GAB2: variants seen among roughly 807,000 people sequenced by gnomAD.
The protein encoded by GAB2 is GRB2-associated-binding protein 2.
A neutral mutation model predicts 65.5 loss-of-function variants in GAB2; 26 were observed. The observed-to-expected ratio is 0.40, with a 90% CI of 0.29 to 0.55. The LOEUF (loss-of-function observed/expected upper bound fraction) is 0.55. Ranked by LOEUF, GAB2 falls within the 20% of genes least tolerant of loss-of-function variation. GAB2 has a pLI of 0.53. For synonymous variants in GAB2, 321 were observed against 329.6 expected (o/e 0.97, Z 0.28); for missense variants, 884 against 875.8 (o/e 1.01, Z -0.12).
At chr11:78,371,077 C>T (rs1005097669) in intron 1 of GAB2, among the ~76,000 whole-genome samples, 6 of 152,170 alleles carry the variant, frequency 3.9e-5, no homozygotes, top group South Asian at 2.1e-4. Context: ...TGTTAGAAAA[C>T]GTGGCAAAAG....
At chr11:78,258,007 T>C (rs555818860) in intron 2 of GAB2, among the ~76,000 whole-genome samples, 4 of 152,096 alleles carry the variant, frequency 2.6e-5, no homozygotes, top group Non-Finnish European at 4.4e-5. Flanking sequence ...GGAAGGAAAG[T>C]TAAAATATGA....
rs550646641 is a variant in GAB2 at position 78,222,422 on chromosome 11, T to TAATTATATTTTCAG, written c.1568-241_1568-228dup. Among the ~76,000 whole-genome samples, 393 of 152,002 alleles carry TAATTATATTTTCAG rather than the reference T, an allele frequency of 2.6e-3. 2 individuals carry two copies. Among genetic ancestry groups the TAATTATATTTTCAG allele is most frequent in the Non-Finnish European group, 1.8e-3 (121 of 67,964 alleles). On this transcript the variant is annotated intron_variant, in intron 6 of 9. Coordinates refer to ENST00000361507, the MANE Select transcript of GAB2 (RefSeq NM_080491.3). Reference sequence around the variant, plus strand: ...TATATTCTTTCTGCTGTATCTATGGTAATTATATTTTCAGAATCAAAAGTG... The same window carrying TAATTATATTTTCAG: ...TATATTCTTTCTGCTGTATCTATGGTAATTATATTTTCAGAATTATATTTTCAGAATCAAAAGTG...
chr11:78,359,557 A>G (rs986064280), intron 1 of GAB2, among the ~76,000 whole-genome samples: 1 of 152,256 alleles, frequency 6.6e-6, no homozygotes, highest in Non-Finnish European at 1.5e-5. Flanking sequence ...ACTAAAGGCA[A>G]TTCTAAAGGA....
intron 2 of GAB2, among the ~76,000 whole-genome samples, chr11:78,267,199 G>A (rs1346068424): frequency 6.6e-6 from 1 of 152,172 alleles, no homozygotes; most frequent in Non-Finnish European, 1.5e-5. Context: ...CAAGATCCCA[G>A]GGCTAACCAT....
In GAB2 at chr11:78,405,396, G is replaced by C. The variant is rs368150412; in HGVS notation, c.75+12250C>G. ...TTATAGGCGTGAGCCACCACGCCTGGCCAAGCACATGGATTTTAATGAGAA... is the reference window on the plus strand; with the variant it reads ...TTATAGGCGTGAGCCACCACGCCTGCCCAAGCACATGGATTTTAATGAGAA... On this transcript the variant is annotated intron_variant, in intron 1 of 9. Coordinates refer to ENST00000361507, the MANE Select transcript of GAB2 (RefSeq NM_080491.3). Among the ~76,000 whole-genome samples the C allele has an allele frequency of 1.3e-3, 202 of 152,252 alleles. 1 individual carries two copies. The highest frequency in any genetic ancestry group is 4.7e-3 in the African/African-American group (197 of 41,552).
intron 1 of GAB2, among the ~76,000 whole-genome samples, chr11:78,417,214 G>C (rs1289779686): frequency 6.6e-6 from 1 of 152,014 alleles, no homozygotes; most frequent in Non-Finnish European, 1.5e-5. Flanking sequence ...GCCCTTTGTG[G>C]GGCCGTCCGC....
intron 1 of GAB2, among the ~76,000 whole-genome samples, chr11:78,408,606 C>T (rs992211690): frequency 6.6e-6 from 1 of 152,128 alleles, no homozygotes; most frequent in Admixed American, 6.5e-5. Flanking sequence ...TAAAAACATG[C>T]CCCATGATAT....
intron 3 of GAB2, among the ~76,000 whole-genome samples, chr11:78,245,313 A>C (rs1347681104): frequency 6.8e-6 from 1 of 147,276 alleles, no homozygotes; most frequent in African/African-American, 2.4e-5. Context: ...TATTTACTAC[A>C]ATTTTTGAAA....
At chr11:78,324,750 T>C (rs1011014756) in intron 1 of GAB2, 1 of 152,236 alleles carries the variant, frequency 6.6e-6, no homozygotes, top group East Asian at 1.9e-4. Context: ...CATCAAGGTC[T>C]GATGACAACC....
chr11:78,329,779 T>C (rs541018830), intron 1 of GAB2, among the ~76,000 whole-genome samples: 54 of 152,326 alleles, frequency 3.5e-4, no homozygotes, highest in East Asian at 1.9e-3. Context: ...TCTCGCCATA[T>C]TGCTACCTGA....
intron 1 of GAB2, among the ~76,000 whole-genome samples, chr11:78,358,915 T>C (rs1018371548): frequency 2.1e-4 from 32 of 152,216 alleles, no homozygotes; most frequent in African/African-American, 6.7e-4. Flanking sequence ...CTAAATACTT[T>C]TGAAAACAAA....
At chr11:78,295,588 A>C (rs1324013944) in intron 1 of GAB2, among the ~76,000 whole-genome samples, 2 of 152,202 alleles carry the variant, frequency 1.3e-5, no homozygotes, top group Non-Finnish European at 2.9e-5. Flanking sequence ...GTACATAGGT[A>C]ACTCAGTACA....
At chr11:78,261,077 A>ATGTGTG (rs113856546) in intron 2 of GAB2, among the ~76,000 whole-genome samples, 5 of 151,594 alleles carry the variant, frequency 3.3e-5, no homozygotes, top group African/African-American at 4.9e-5. Context: ...GTATATATAT[A>ATGTGTG]TGTGTGTGTG....
chr11:78,227,631 C>CACAAAAAAAAAAAAAA (rs1864715000), intron 3 of GAB2, among the ~76,000 whole-genome samples: 1 of 106,134 alleles, frequency 9.4e-6, no homozygotes, highest in Non-Finnish European at 1.9e-5. Flanking sequence ...CCATTGCCAC[C>CACAAAAAAAAAAAAAA]AAAAAAAAAA....
intron 1 of GAB2, among the ~76,000 whole-genome samples, chr11:78,361,745 GA>G (rs1452635321): frequency 2.6e-5 from 4 of 152,180 alleles, no homozygotes; most frequent in Admixed American, 6.5e-5. Context: ...CAAGACTGTG[GA>G]AAAAGAGGCA....
chr11:78,344,906 G>A (rs948122579), intron 1 of GAB2, among the ~76,000 whole-genome samples: 1 of 152,146 alleles, frequency 6.6e-6, no homozygotes. Flanking sequence ...GGTTTAATGA[G>A]TGAGTCACAC....
chr11:78,310,622 A>G (rs559446351), intron 1 of GAB2, among the ~76,000 whole-genome samples: 1 of 152,306 alleles, frequency 6.6e-6, no homozygotes, highest in East Asian at 1.9e-4. Flanking sequence ...AGAGAACAGA[A>G]GATTTAAATG....
intron 2 of GAB2, among the ~76,000 whole-genome samples, chr11:78,260,382 C>A (rs1015026614): frequency 6.6e-6 from 1 of 152,180 alleles, no homozygotes; most frequent in Non-Finnish European, 1.5e-5. Flanking sequence ...CCTGGTCACA[C>A]GTCCTTTTAC....
chr11:78,393,303 C>G (rs1280612063), intron 1 of GAB2, among the ~76,000 whole-genome samples: 1 of 152,180 alleles, frequency 6.6e-6, no homozygotes, highest in Admixed American at 6.6e-5. Context: ...TTCCAAGTTC[C>G]CTTATTACAA....
Sources: allele counts gnomAD v4.1 joint callset (sites outside exome capture counted in the v4.1 genomes callset), GRCh38; gene constraint gnomAD v4.1.1; transcripts MANE v1.5; gene names NCBI Gene and HGNC (gene_info 2026-07-23, HGNC 2026-07-21).